Variants in KCNAB1 observed in about 807,000 individuals in gnomAD.
KCNAB1 encodes potassium voltage-gated channel subfamily A regulatory beta subunit 1, also known as voltage-gated potassium channel subunit beta-1.
Under a neutral mutation model 64.6 loss-of-function variants are expected in KCNAB1, and 35 were observed. The ratio of observed to expected loss-of-function variants is 0.54; its 90% confidence interval spans 0.41 to 0.72. KCNAB1 has a LOEUF of 0.72. Ranked by LOEUF, KCNAB1 falls within the 30% of genes least tolerant of loss-of-function variation. The probability of loss-of-function intolerance (pLI) is 0.00; values close to 1 mark genes in which losing one functional copy is unlikely to be tolerated. For synonymous variants in KCNAB1, 177 were observed against 183.8 expected, an observed-to-expected ratio of 0.96 and a Z score of 0.30; for missense variants, 401 against 512.9, an observed-to-expected ratio of 0.78 and a Z score of 2.11.
intron 1 of KCNAB1, among the ~76,000 whole-genome samples, chr3:156,240,541 A>G (rs1369202584): frequency 6.6e-6 from 1 of 152,116 alleles, no homozygotes; most frequent in African/African-American, 2.4e-5. Context: ...TATGCTTTCA[A>G]ATAATATGTG....
chr3:156,311,196 C>A (rs569773097), intron 1 of KCNAB1, among the ~76,000 whole-genome samples: 2 of 152,020 alleles, frequency 1.3e-5, no homozygotes, highest in African/African-American at 4.8e-5. Flanking sequence ...AATCTTAGAA[C>A]GTGGTTTAAG....
chr3:156,165,330 T>G (rs1210881561), intron 1 of KCNAB1, among the ~76,000 whole-genome samples: 1 of 142,196 alleles, frequency 7.0e-6, no homozygotes, highest in Non-Finnish European at 1.5e-5. Flanking sequence ...GAGCAGAGCA[T>G]TATACTGTAA....
At chr3:156,337,840 C>T (rs1224683902) in intron 1 of KCNAB1, among the ~76,000 whole-genome samples, 1 of 152,182 alleles carries the variant, frequency 6.6e-6, no homozygotes, top group Non-Finnish European at 1.5e-5. Context: ...CAGTATGTAA[C>T]ATAGCAATAA....
At chr3:156,318,363 G>T (rs1488765620) in intron 1 of KCNAB1, among the ~76,000 whole-genome samples, 2 of 152,186 alleles carry the variant, frequency 1.3e-5, no homozygotes, top group Admixed American at 1.3e-4. Context: ...GTCCAGGCAG[G>T]CAGAGTGAGT....
intron 8 of KCNAB1, among the ~76,000 whole-genome samples, chr3:156,487,449 C>A (rs572014965): frequency 6.6e-6 from 1 of 152,262 alleles, no homozygotes; most frequent in East Asian, 1.9e-4. Flanking sequence ...CTAAATGTAT[C>A]CCCATGTTAA....
intron 1 of KCNAB1, among the ~76,000 whole-genome samples, chr3:156,337,988 C>G (rs112151966): frequency 1.3e-5 from 2 of 152,046 alleles, no homozygotes; most frequent in African/African-American, 4.8e-5. Flanking sequence ...GTGGGGATGG[C>G]GATGTATATA....
chr3:156,192,024 A>G (rs1713592726), intron 1 of KCNAB1, among the ~76,000 whole-genome samples: 1 of 152,166 alleles, frequency 6.6e-6, no homozygotes, highest in African/African-American at 2.4e-5. Context: ...GGCACCACTG[A>G]TCTGCTTTTG....
chr3:156,381,074 A>T (rs1339546333), intron 1 of KCNAB1, among the ~76,000 whole-genome samples: 2 of 152,222 alleles, frequency 1.3e-5, no homozygotes, highest in African/African-American at 4.8e-5. Flanking sequence ...ATATCAAAGC[A>T]TCATATTGGG....
rs1028813893 is a variant in KCNAB1, at chr3:156,538,483, T to C, written c.*1736T>C. 1.3e-5 allele frequency: 2 copies of C among 152,222 alleles called. No homozygotes were observed. The highest frequency in any genetic ancestry group is 2.4e-5 in the African/African-American group (1 of 41,454). The allele number at this position is 152,222 out of a possible 1,614,324, so 9.4% of individuals were successfully genotyped here. On this transcript the variant is annotated 3_prime_UTR_variant, in exon 14 of 14. Coordinates refer to ENST00000490337, the MANE Select transcript of KCNAB1 (RefSeq NM_172160.3). ...GAAATTGATCATTTTCAGTTGTTCA[T>C]TGTGTATTCAATCCAGCGAACTGCT...
At chr3:156,210,594 G>A (rs929169008) in intron 1 of KCNAB1, among the ~76,000 whole-genome samples, 31 of 152,236 alleles carry the variant, frequency 2.0e-4, no homozygotes, top group African/African-American at 7.0e-4. Flanking sequence ...ACACCATGCT[G>A]AGAGCAGCCA....
At chr3:156,270,305 G>T (rs1002644117) in intron 1 of KCNAB1, among the ~76,000 whole-genome samples, 14 of 151,934 alleles carry the variant, frequency 9.2e-5, no homozygotes, top group African/African-American at 3.4e-4. Context: ...ATAAATAAGG[G>T]CTTACTCCTG....
At chr3:156,330,041 T>C (rs976428643) in intron 1 of KCNAB1, among the ~76,000 whole-genome samples, 1 of 152,128 alleles carries the variant, frequency 6.6e-6, no homozygotes, top group Non-Finnish European at 1.5e-5. Flanking sequence ...TTTCCCGAAA[T>C]AGAATTAAAT....
At chr3:156,185,742 T>G (rs1713147086) in intron 1 of KCNAB1, among the ~76,000 whole-genome samples, 1 of 152,158 alleles carries the variant, frequency 6.6e-6, no homozygotes, top group African/African-American at 2.4e-5. Context: ...TAGGAGTATT[T>G]TTTTTTTCTC....
chr3:156,379,460 G>A (rs1711988788), intron 1 of KCNAB1, among the ~76,000 whole-genome samples: 1 of 152,300 alleles, frequency 6.6e-6, no homozygotes, highest in South Asian at 2.1e-4. Flanking sequence ...ACTCAGGGAA[G>A]GCTTTCTTGG....
intron 1 of KCNAB1, among the ~76,000 whole-genome samples, chr3:156,206,402 G>C (rs569261718): frequency 2.0e-5 from 3 of 152,254 alleles, no homozygotes; most frequent in South Asian, 2.1e-4. Context: ...TGGGTTTGGT[G>C]GTATGAGGCT....
rs1272126754 is a variant in KCNAB1, at chr3:156,325,370, T to G, written c.276-96246T>G. ...TTATAAACTGATATCCATGACACTATTTTTGTTACACTTTATTGAGAAGCA... is the reference window on the plus strand; with the variant it reads ...TTATAAACTGATATCCATGACACTAGTTTTGTTACACTTTATTGAGAAGCA... On this transcript the variant is annotated intron_variant, in intron 1 of 13. Transcript: ENST00000490337. Among the ~76,000 whole-genome samples the G allele has an allele frequency of 2.6e-5, 4 of 152,266 alleles. No homozygotes were observed. The East Asian group carries it at 7.7e-4, about 29-fold the overall frequency.
intron 1 of KCNAB1, chr3:156,292,037 G>A: frequency 6.2e-7 from 1 of 1,614,122 alleles, no homozygotes; most frequent in Non-Finnish European, 8.5e-7. Flanking sequence ...CCGCACGGTC[G>A]CTATCATCGC....
At chr3:156,440,882 G>A (rs1022245337) in intron 2 of KCNAB1, among the ~76,000 whole-genome samples, 4 of 152,034 alleles carry the variant, frequency 2.6e-5, no homozygotes, top group African/African-American at 7.2e-5. Flanking sequence ...GTGTAATATG[G>A]TTGGGAACTT....
intron 1 of KCNAB1, among the ~76,000 whole-genome samples, chr3:156,232,159 G>A (rs1191414503): frequency 6.6e-6 from 1 of 152,068 alleles, no homozygotes; most frequent in East Asian, 1.9e-4. Context: ...GTAATAGTAA[G>A]CATTAGCCAC....
Sources: gnomAD v4.1 joint callset for allele counts (sites outside exome capture counted in the v4.1 genomes callset) on GRCh38, gnomAD v4.1.1 for gene constraint, MANE v1.5 for transcripts, NCBI Gene and HGNC (gene_info 2026-07-23, HGNC 2026-07-21) for gene names.